Variants in ATXN7 observed in about 807,000 individuals in gnomAD.
ATXN7 encodes ataxin 7, also known as ataxin-7.
Under a neutral mutation model 70.5 loss-of-function variants are expected in ATXN7, and 12 were observed. The observed-to-expected ratio is 0.17, with a 90% CI of 0.11 to 0.28. ATXN7 has a LOEUF of 0.28. ATXN7 is among the 10% of genes least tolerant of loss of function. The pLI is 1.00. For missense variants in ATXN7, 1,256 were observed against 1,131.7 expected (o/e 1.11, Z -1.58); for synonymous variants, 498 against 448.7 (o/e 1.11, Z -1.39).
chr3:63,921,411 C>T (rs1157254637), intron 4 of ATXN7, among the ~76,000 whole-genome samples: 4 of 152,122 alleles, frequency 2.6e-5, no homozygotes, highest in South Asian at 2.1e-4. Flanking sequence ...TCCAGACATA[C>T]GGTTGTTGGC....
At chr3:63,915,542 C>T (rs926162380) in intron 4 of ATXN7, among the ~76,000 whole-genome samples, 3 of 152,148 alleles carry the variant, frequency 2.0e-5, no homozygotes, top group African/African-American at 7.2e-5. Context: ...ATTATTCATT[C>T]ATTGTCTGCT....
intron 5 of ATXN7, among the ~76,000 whole-genome samples, chr3:63,972,961 C>T (rs1269004302): frequency 6.6e-6 from 1 of 152,102 alleles, no homozygotes; most frequent in Non-Finnish European, 1.5e-5. Context: ...TAACAGGGGG[C>T]CTCTGTCTTA....
At chr3:63,877,061 T>C (rs1184071904) in intron 1 of ATXN7, among the ~76,000 whole-genome samples, 1 of 152,182 alleles carries the variant, frequency 6.6e-6, no homozygotes, top group Non-Finnish European at 1.5e-5. Flanking sequence ...TTTTGAATGG[T>C]TTTTTTAATT....
intron 5 of ATXN7, among the ~76,000 whole-genome samples, chr3:63,959,298 C>G (rs900406145): frequency 6.6e-6 from 1 of 152,108 alleles, no homozygotes; most frequent in African/African-American, 2.4e-5. Flanking sequence ...AAAAAATTAC[C>G]TCACTCTTTT....
At chr3:63,994,520 C>T (rs2075724876) in intron 11 of ATXN7, among the ~76,000 whole-genome samples, 1 of 152,352 alleles carries the variant, frequency 6.6e-6, no homozygotes, top group African/African-American at 2.4e-5. Flanking sequence ...CAGTTGTGAG[C>T]CACTGCGCCT....
chr3:63,967,404 A>G (rs1218000196), intron 5 of ATXN7, among the ~76,000 whole-genome samples: 3 of 152,216 alleles, frequency 2.0e-5, no homozygotes, highest in Non-Finnish European at 4.4e-5. Flanking sequence ...TGAAAAGCTT[A>G]GCAACTGTAG....
Position 63,894,437 on chromosome 3 carries a change from C to T in ATXN7, c.-110-3962C>T, listed in dbSNP as rs991072374. Reference sequence around the variant, plus strand: ...GAGTATCAAGATGGAGAGAAAAATGCACAGCCTAGGAGTTAGGTGGCTCAG... The same window carrying T: ...GAGTATCAAGATGGAGAGAAAAATGTACAGCCTAGGAGTTAGGTGGCTCAG... On this transcript the variant is annotated intron_variant, in intron 1 of 12. Coordinates refer to ENST00000674280, the MANE Select transcript of ATXN7 (RefSeq NM_001377405.1). 2.6e-5 allele frequency among the ~76,000 whole-genome samples: 4 copies of T among 152,318 alleles called. No homozygotes were observed. The East Asian group carries it at 7.7e-4, about 29-fold the overall frequency.
chr3:63,989,050 A>G lies in ATXN7; in HGVS notation c.1361+726A>G, dbSNP rs117313679. 1.8e-3 allele frequency among the ~76,000 whole-genome samples: 279 copies of G among 152,312 alleles called. 12 individuals are homozygous for G. The East Asian group carries it at 0.051, about 28-fold the overall frequency. ...AGGAATGTGCCAGTCCTCGGCTGCTATTGCTTACCATTTCACCCTCACATG... is the reference window on the plus strand; with the variant it reads ...AGGAATGTGCCAGTCCTCGGCTGCTGTTGCTTACCATTTCACCCTCACATG... On this transcript the variant is annotated intron_variant, in intron 9 of 12. Coordinates refer to ENST00000674280, the MANE Select transcript of ATXN7 (RefSeq NM_001377405.1).
Position 63,863,994 on chromosome 3 carries a change from C to G in ATXN7, c.-275C>G, listed in dbSNP as rs1204987409. The G allele has an allele frequency of 6.7e-6, 1 of 149,414 alleles. No individual in the cohort carries two copies. Among genetic ancestry groups the G allele is most frequent in the African/African-American group, 2.5e-5 (1 of 40,488 alleles). The allele number at this position is 149,414 out of a possible 1,614,324, so 9.3% of individuals were successfully genotyped here. On this transcript the variant is annotated 5_prime_UTR_variant, in exon 1 of 13. Transcript: ENST00000674280. The stretch of plus-strand genomic sequence containing the variant: ...CCGCCGCCGCGGGACCCGCGCTCCC[C>G]GCGCTCCCGGTACTCCCCGGGGGCG...
chr3:63,977,444 G>C (rs1459439027), intron 5 of ATXN7, among the ~76,000 whole-genome samples: 1 of 151,968 alleles, frequency 6.6e-6, no homozygotes. Flanking sequence ...TCTAGTTGAG[G>C]GTTTTCTCTG....
chr3:63,983,258 G>A (rs2075519153), intron 8 of ATXN7, among the ~76,000 whole-genome samples: 1 of 152,074 alleles, frequency 6.6e-6, no homozygotes, highest in African/African-American at 2.4e-5. Context: ...GAGCAGTGTT[G>A]TATCCACAGG....
At chr3:63,863,428 C>T (rs1702283571), upstream of ATXN7, 7 of 1,099,944 alleles carry the variant, frequency 6.4e-6, no homozygotes, top group Admixed American at 5.2e-5. Context: ...TCTGGTCCCA[C>T]CCGCCCTTGC....
At position 63,971,169 on chromosome 3, in the gene ATXN7, G is replaced by A. The variant is rs560447725; in HGVS notation, c.500-8746G>A. The stretch of plus-strand genomic sequence containing the variant: ...AATGATGCCGAGTGCTTTGTGGCAA[G>A]GACTTTTTCTTTCTCAGTGTTTTCC... On this transcript the variant is annotated intron_variant, in intron 5 of 12. Transcript: ENST00000674280. Among the ~76,000 whole-genome samples the A allele has an allele frequency of 6.6e-4, 101 of 152,282 alleles. 1 individual carries two copies. The highest frequency in any genetic ancestry group is 2.2e-3 in the African/African-American group (90 of 41,568).
At chr3:63,867,806 C>T (rs1309752784) in intron 1 of ATXN7, among the ~76,000 whole-genome samples, 1 of 152,140 alleles carries the variant, frequency 6.6e-6, no homozygotes, top group Admixed American at 6.5e-5. Context: ...AGGAGAATCA[C>T]TTGAACCCAG....
intron 4 of ATXN7, among the ~76,000 whole-genome samples, chr3:63,915,347 C>T (rs1197976442): frequency 1.3e-5 from 2 of 152,090 alleles, no homozygotes; most frequent in Admixed American, 6.5e-5. Context: ...GAGTTGAGAC[C>T]GAAGTTTTAA....
intron 12 of ATXN7, chr3:63,998,118 T>C (rs2075789231): frequency 1.3e-5 from 13 of 982,382 alleles, no homozygotes; most frequent in Non-Finnish European, 1.3e-5. Flanking sequence ...AATGTCCATC[T>C]CACATCTGTA....
chr3:63,984,804 G>T (rs1369212864), intron 8 of ATXN7, among the ~76,000 whole-genome samples: 1 of 152,156 alleles, frequency 6.6e-6, no homozygotes, highest in Non-Finnish European at 1.5e-5. Flanking sequence ...CCCTTCAGCC[G>T]CTGGCAGCCA....
At position 63,988,202 on chromosome 3, in the gene ATXN7, C is replaced by T; in HGVS notation, c.1239C>T (p.Asp413=). ...AGCAACCACCGCAGCCTCTCAGGGA[C>T]CCGCATCCCGCCCCTCCTAGAACGT... ...DSQQPPQPLR[D]PHPAPPRTSQ... is the part of the protein sequence containing the mutation. The change falls in exon 9 of 13, where the codon GAC becomes GAT. Residue 413 remains aspartate, a synonymous_variant. Coordinates refer to ENST00000674280, the MANE Select transcript of ATXN7 (RefSeq NM_001377405.1). 2.5e-6 allele frequency: 4 copies of T among 1,614,064 alleles called. No homozygotes were observed. Among genetic ancestry groups the T allele is most frequent in the Middle Eastern group, 1.7e-4 (1 of 6,060 alleles).
chr3:63,921,234 A>G (rs759068780), intron 4 of ATXN7, among the ~76,000 whole-genome samples: 19 of 152,194 alleles, frequency 1.2e-4, no homozygotes, highest in African/African-American at 2.4e-5. Context: ...TTCATTATCA[A>G]TTAGATTCAC....
Sources: allele counts gnomAD v4.1 joint callset (sites outside exome capture counted in the v4.1 genomes callset), GRCh38; gene constraint gnomAD v4.1.1; transcripts MANE v1.5; gene names NCBI Gene and HGNC (gene_info 2026-07-23, HGNC 2026-07-21).